NIPBL: variants seen among roughly 807,000 people sequenced by gnomAD.
NIPBL encodes NIPBL cohesin loading factor.
In NIPBL, 19 loss-of-function variants were observed where a neutral mutation model predicts 321.8. That is an observed-to-expected ratio of 0.06 (90% CI 0.04 to 0.09). NIPBL has a LOEUF of 0.09. Among genes scored for constraint, NIPBL ranks in the 10% least tolerant of loss-of-function variants. The pLI, the probability that NIPBL is intolerant of heterozygous loss-of-function variation, is 1.00. For synonymous variants in NIPBL, 1,106 were observed against 1,114.1 expected (o/e 0.99, Z 0.14); for missense variants, 2,210 against 3,327.0 (o/e 0.66, Z 8.26).
chr5:37,003,413 C>T, intron 16 of NIPBL, 66 bp downstream of exon 16: 1 of 886,186 alleles, frequency 1.1e-6, no homozygotes, highest in Middle Eastern at 2.2e-4. Flanking sequence ...TAGTCCCCCA[C>T]TTCTCTATTG....
At chr5:36,885,608 C>T in intron 1 of NIPBL, 1 of 535,026 alleles carries the variant, frequency 1.9e-6, no homozygotes, top group Non-Finnish European at 3.7e-6. Context: ...CATCGAGGAT[C>T]TGAGGGCTCA....
chr5:36,933,188 G>C (rs1223365120), intron 1 of NIPBL, among the ~76,000 whole-genome samples: 4 of 151,914 alleles, frequency 2.6e-5, no homozygotes. Flanking sequence ...AAAATGTACT[G>C]TTTTTAAAAT....
chr5:37,020,035 A>G (rs150652880), intron 25 of NIPBL, among the ~76,000 whole-genome samples: 2 of 152,268 alleles, frequency 1.3e-5, no homozygotes, highest in East Asian at 1.9e-4. Context: ...TTCAGTGACA[A>G]TTGTCTTGTG....
Position 37,000,679 on chromosome 5 carries a change from TAA to T in NIPBL, c.3502+110_3502+111del. ...TATGAGTTAATAACTAATTTTCAAT[TAA>T]GACAAAAATACTTAGTTTCTATGTG... is the stretch of plus-strand genomic sequence containing the variant. On this transcript the variant is annotated intron_variant, in intron 12 of 46. Transcript: ENST00000282516. 7 of 1,342,502 alleles carry T rather than the reference TAA, an allele frequency of 5.2e-6. No homozygotes were observed. The South Asian group carries it at 7.5e-5, about 14-fold the overall frequency. 83.2% of individuals were successfully genotyped at this position (1,342,502 alleles called of 1,614,324 possible).
chr5:36,920,024 T>C (rs768812964), intron 1 of NIPBL, among the ~76,000 whole-genome samples: 20 of 152,196 alleles, frequency 1.3e-4, no homozygotes, highest in Admixed American at 6.5e-5. Flanking sequence ...GGCAATAGTA[T>C]TTTGCCATTT....
intron 1 of NIPBL, among the ~76,000 whole-genome samples, chr5:36,887,623 T>TA (rs1746015692): frequency 6.6e-6 from 1 of 152,224 alleles, no homozygotes. Flanking sequence ...CTTGCTCCTC[T>TA]ACCTACCCCT....
At chr5:36,879,879 A>G (rs745958200) in intron 1 of NIPBL, among the ~76,000 whole-genome samples, 1 of 152,120 alleles carries the variant, frequency 6.6e-6, no homozygotes, top group Non-Finnish European at 1.5e-5. Flanking sequence ...ATAATTTTCA[A>G]TGTTTGAGAA....
intron 11 of NIPBL, among the ~76,000 whole-genome samples, chr5:36,999,413 G>T (rs762403651): frequency 1.3e-5 from 2 of 152,146 alleles, no homozygotes; most frequent in Non-Finnish European, 2.9e-5. Context: ...TAACTTGGTG[G>T]TACCTACTGC....
At chr5:36,917,888 T>A (rs1024689985) in intron 1 of NIPBL, among the ~76,000 whole-genome samples, 4 of 152,180 alleles carry the variant, frequency 2.6e-5, no homozygotes, top group Admixed American at 1.3e-4. Context: ...TCTATATCTC[T>A]GTTTTGGTAC....
chr5:37,059,420 T>G (rs970317447), intron 44 of NIPBL, among the ~76,000 whole-genome samples: 1 of 152,048 alleles, frequency 6.6e-6, no homozygotes, highest in Non-Finnish European at 1.5e-5. Context: ...GGCAGGAAAA[T>G]CGCTTAAACC....
intron 38 of NIPBL, among the ~76,000 whole-genome samples, 181 bp downstream of exon 38, chr5:37,046,380 C>A (rs536496950): frequency 6.6e-6 from 1 of 152,298 alleles, no homozygotes; most frequent in African/African-American, 2.4e-5. Flanking sequence ...TGGCCATTGA[C>A]TTCCTGGGTA....
At chr5:37,013,890 C>T (rs1331446969) in intron 21 of NIPBL, among the ~76,000 whole-genome samples, 5 of 152,238 alleles carry the variant, frequency 3.3e-5, no homozygotes, top group Non-Finnish European at 7.3e-5. Context: ...CAGCCGAGAT[C>T]ACGCCACTGC....
At chr5:37,033,005 T>G (rs1751246197) in intron 32 of NIPBL, among the ~76,000 whole-genome samples, 1 of 152,186 alleles carries the variant, frequency 6.6e-6, no homozygotes, top group Non-Finnish European at 1.5e-5. Flanking sequence ...TACTTCTTAT[T>G]TATATTATAA....
chr5:36,991,676 G>A (rs1040436629), intron 10 of NIPBL, among the ~76,000 whole-genome samples: 4 of 150,604 alleles, frequency 2.7e-5, no homozygotes, highest in African/African-American at 4.9e-5. Context: ...GATCCATTTG[G>A]TGCTTCTGTG....
chr5:36,993,397 G>C (rs1381324748), intron 10 of NIPBL, among the ~76,000 whole-genome samples: 2 of 152,166 alleles, frequency 1.3e-5, no homozygotes, highest in South Asian at 4.1e-4. Context: ...GTAAACTACT[G>C]TTGATAAATG....
At position 37,036,447 on chromosome 5, in the gene NIPBL, C is replaced by T. The variant is rs200548405; in HGVS notation, c.5931C>T (p.Asn1977=). 2.7e-6 allele frequency: 4 copies of T among 1,468,844 alleles called. No individual in the cohort carries two copies. The highest frequency in any genetic ancestry group is 2.1e-5 in the Admixed American group (1 of 48,190). The allele number at this position is 1,468,844 out of a possible 1,614,324, so 91.0% of individuals were successfully genotyped here. ...VKKACTQLVD[N]LVEHILKYEE... is the part of the protein sequence containing the mutation. ...AAGCTTGTACTCAACTTGTTGATAA[C>T]CTAGTTGAGCACATTCTTAAATATG... Residue 1977 remains asparagine (N), a synonymous_variant, in exon 33 of 47, where the codon AAC becomes AAT. Transcript: ENST00000282516.
At chr5:36,961,421 T>G (rs1741608199) in intron 4 of NIPBL, 63 bp from the exon 5 acceptor site, 3 of 976,596 alleles carry the variant, frequency 3.1e-6, no homozygotes, top group Non-Finnish European at 5.0e-6. Context: ...CTGATTTCAG[T>G]TATTTAAAGG....
intron 10 of NIPBL, among the ~76,000 whole-genome samples, chr5:36,993,711 G>A (rs371633137): frequency 9.2e-4 from 140 of 151,626 alleles, no homozygotes; most frequent in Non-Finnish European, 1.5e-3. Context: ...AATACTTTGG[G>A]TTATCTGTAT....
At chr5:36,957,033 C>G (rs1193837773) in intron 3 of NIPBL, among the ~76,000 whole-genome samples, 1 of 152,026 alleles carries the variant, frequency 6.6e-6, no homozygotes, top group East Asian at 1.9e-4. Flanking sequence ...TTATGGAGAG[C>G]TCCTGTAAGA....
Sources: allele counts gnomAD v4.1 joint callset (sites outside exome capture counted in the v4.1 genomes callset), GRCh38; gene constraint gnomAD v4.1.1; transcripts MANE v1.5; gene names NCBI Gene and HGNC (gene_info 2026-07-23, HGNC 2026-07-21).